PRCC: variants seen among roughly 807,000 people sequenced by gnomAD.
PRCC encodes proline-rich protein PRCC.
In PRCC, 10 loss-of-function variants were observed where a neutral mutation model predicts 44.0. The ratio of observed to expected loss-of-function variants is 0.23; its 90% CI spans 0.14 to 0.39. The LOEUF (loss-of-function observed/expected upper bound fraction) is 0.39. PRCC is among the 10% of genes least tolerant of loss of function. The pLI is 1.00. For missense variants in PRCC, 573 were observed against 624.7 expected, an observed-to-expected ratio of 0.92 and a Z score of 0.88; for synonymous variants, 278 against 259.5, an observed-to-expected ratio of 1.07 and a Z score of -0.69.
chr1:156,797,756 T>C (rs1306194973), intron 6 of PRCC, among the ~76,000 whole-genome samples: 1 of 152,214 alleles, frequency 6.6e-6, no homozygotes, highest in African/African-American at 2.4e-5. Context: ...TCTTCACTTC[T>C]GTGGCAGGGA....
Position 156,785,108 on chromosome 1 carries a change from ATGTCT to A in PRCC, c.517-1498_517-1494del, listed in dbSNP as rs145063440. On this transcript the variant is annotated intron_variant, in intron 2 of 6. Transcript: ENST00000271526. Reference sequence around the variant, plus strand: ...TTACATATTTTTGTAAAAAGCAGTAATGTCTTAGATTAGGGAAATTTGCAAGCTGA... The same window carrying A: ...TTACATATTTTTGTAAAAAGCAGTAATAGATTAGGGAAATTTGCAAGCTGA... Among the ~76,000 whole-genome samples, 413 of 152,300 alleles carry A rather than the reference ATGTCT, an allele frequency of 2.7e-3. 2 individuals carry two copies. The highest frequency in any genetic ancestry group is 9.5e-3 in the African/African-American group (394 of 41,556).
chr1:156,794,872 TC>T (rs1652605520), intron 5 of PRCC, 64 bp downstream of exon 5: 3 of 1,596,222 alleles, frequency 1.9e-6, no homozygotes, highest in Admixed American at 1.7e-5. Flanking sequence ...CTTGTCTTAC[TC>T]CCCGTCTTGA....
chr1:156,795,121 T>C (rs563915634), intron 5 of PRCC, among the ~76,000 whole-genome samples: 1 of 152,104 alleles, frequency 6.6e-6, no homozygotes, highest in Non-Finnish European at 1.5e-5. Context: ...GCTCTACTCT[T>C]GCCGTACAGT....
At chr1:156,796,707 G>A (rs1355695872) in intron 5 of PRCC, 4 of 152,540 alleles carry the variant, frequency 2.6e-5, no homozygotes, top group African/African-American at 9.7e-5. Context: ...ACTAGAATGG[G>A]GAAGGCAGGG....
At chr1:156,792,496 G>A (rs1652526636) in intron 4 of PRCC, among the ~76,000 whole-genome samples, 7 of 152,126 alleles carry the variant, frequency 4.6e-5, no homozygotes, top group Admixed American at 4.6e-4. Context: ...CGCCCAGGCT[G>A]GAGTATGGTG....
intron 1 of PRCC, 148 bp downstream of exon 1, chr1:156,768,387 C>A: frequency 1.1e-6 from 1 of 938,390 alleles, no homozygotes; most frequent in Non-Finnish European, 1.6e-6. Context: ...ATTAATTGAG[C>A]TGAAGTTGGT....
intron 3 of PRCC, chr1:156,791,006 T>A: frequency 1.0e-6 from 1 of 963,090 alleles, no homozygotes. Flanking sequence ...ATTGGCCCTG[T>A]GGCTGCCTGA....
At chr1:156,794,548 C>T in intron 4 of PRCC, 117 bp from the exon 5 acceptor site, 1 of 1,258,150 alleles carries the variant, frequency 7.9e-7, no homozygotes, top group Non-Finnish European at 1.1e-6. Flanking sequence ...ACGTAGAGAA[C>T]TGAGGGTGCC....
chr1:156,774,812 C>T (rs926572273), intron 1 of PRCC, among the ~76,000 whole-genome samples: 30 of 151,358 alleles, frequency 2.0e-4, no homozygotes, highest in Admixed American at 1.3e-4. Context: ...ATTAGCTGGG[C>T]GTGGTGGCGC....
Position 156,767,987 on chromosome 1 carries a change from C to T in PRCC, c.216C>T (p.Thr72=). ...CGCCGCTGTTGCTTCCCCCACCCAC[C>T]GGAGACCCCAGGCTTCAGCCTCCTC... ...FPPPLLLPPP[T]GDPRLQPPPP... The change falls in exon 1 of 7, where the codon ACC becomes ACT. Residue 72 remains threonine, a synonymous_variant. Transcript: ENST00000271526. 3.2e-6 allele frequency: 5 copies of T among 1,578,634 alleles called. No individual in the cohort carries two copies. Among genetic ancestry groups the T allele is most frequent in the Non-Finnish European group, 4.3e-6 (5 of 1,161,406 alleles).
At chr1:156,779,896 ATT>A (rs1039793958) in intron 1 of PRCC, among the ~76,000 whole-genome samples, 6 of 138,110 alleles carry the variant, frequency 4.3e-5, no homozygotes, top group Admixed American at 7.2e-5. Context: ...TGCCTGGTCT[ATT>A]TTTTTTTTTT....
chr1:156,771,874 G>A (rs1034832480), intron 1 of PRCC, among the ~76,000 whole-genome samples: 10 of 152,002 alleles, frequency 6.6e-5, no homozygotes, highest in Non-Finnish European at 7.4e-5. Context: ...ACCTCAGAAG[G>A]GACCTGCATC....
intron 1 of PRCC, among the ~76,000 whole-genome samples, chr1:156,781,817 G>C (rs1415275163): frequency 6.6e-6 from 1 of 152,142 alleles, no homozygotes; most frequent in Non-Finnish European, 1.5e-5. Flanking sequence ...AATCCCACTG[G>C]AGTTCCCCAG....
Position 156,767,739 on chromosome 1 carries a change from G to T in PRCC, c.-33G>T. On this transcript the variant is annotated 5_prime_UTR_variant, in exon 1 of 7. Coordinates refer to ENST00000271526, the MANE Select transcript of PRCC (RefSeq NM_005973.5). ...CCCCGGTCTCAAGTAGGCCTCATCT[G>T]CCGGCAAGGGCGCCCGAAACGCGGG... 1 of 1,552,506 alleles carries T rather than the reference G, an allele frequency of 6.4e-7. No individual in the cohort carries two copies.
intron 5 of PRCC, among the ~76,000 whole-genome samples, 197 bp downstream of exon 5, chr1:156,795,005 C>T (rs1238336332): frequency 6.6e-6 from 1 of 152,136 alleles, no homozygotes; most frequent in Non-Finnish European, 1.5e-5. Flanking sequence ...AGGACTTTAA[C>T]AGCTCTGCAG....
At chr1:156,794,473 C>T (rs1020575822) in intron 4 of PRCC, among the ~76,000 whole-genome samples, 192 bp from the exon 5 acceptor site, 2 of 152,106 alleles carry the variant, frequency 1.3e-5, no homozygotes, top group African/African-American at 2.4e-5. Context: ...GTTCAGGAGA[C>T]GTTCTGAGTA....
Position 156,800,464 on chromosome 1 carries a change from T to C in PRCC, c.*4T>C. On this transcript the variant is annotated 3_prime_UTR_variant, in exon 7 of 7. Transcript: ENST00000271526. ...CCAAGCCAAATATGGATTCTAGGGC[T>C]CTGGAACTGATTGCTCCCAGGATCT... The C allele has an allele frequency of 6.2e-7, 1 of 1,614,056 alleles. No individual in the cohort carries two copies. Among genetic ancestry groups the C allele is most frequent in the South Asian group, 1.1e-5 (1 of 91,088 alleles).
intron 5 of PRCC, among the ~76,000 whole-genome samples, chr1:156,795,453 A>AT (rs1338046259): frequency 2.0e-5 from 3 of 150,680 alleles, no homozygotes; most frequent in East Asian, 3.9e-4. Flanking sequence ...TAATTTTTGT[A>AT]TTTTTTTGTA....
chr1:156,797,599 C>A (rs1652703020), intron 6 of PRCC, among the ~76,000 whole-genome samples: 1 of 152,032 alleles, frequency 6.6e-6, no homozygotes, highest in Admixed American at 6.6e-5. Flanking sequence ...TCCAGATATC[C>A]AAAACATAAT....
Sources: gnomAD v4.1 joint callset for allele counts (sites outside exome capture counted in the v4.1 genomes callset) on GRCh38, gnomAD v4.1.1 for gene constraint, MANE v1.5 for transcripts, NCBI Gene and HGNC (gene_info 2026-07-23, HGNC 2026-07-21) for gene names.